Variants in MED27 observed in about 807,000 individuals in gnomAD.
MED27 encodes mediator of RNA polymerase II transcription subunit 27.
MED27 carries 30 observed loss-of-function variants against 38.2 expected under a neutral mutation model. That is an observed-to-expected ratio of 0.79 (90% confidence interval 0.59 to 1.07). MED27 has a LOEUF of 1.07. MED27 is among the 50% of genes least tolerant of loss of function. MED27 has a pLI of 0.00. For synonymous variants in MED27, 122 were observed against 153.5 expected, an observed-to-expected ratio of 0.79 and a Z score of 1.52; for missense variants, 289 against 397.5, an observed-to-expected ratio of 0.73 and a Z score of 2.32.
intron 5 of MED27, 109 bp from the exon 6 acceptor site, chr9:131,884,208 G>A: frequency 1.3e-6 from 1 of 762,622 alleles, no homozygotes; most frequent in Admixed American, 3.2e-5. Context: ...AAAAAAATCT[G>A]ATTATAGAAT....
intron 3 of MED27, among the ~76,000 whole-genome samples, chr9:131,977,599 C>G (rs117131822): frequency 0.015 from 2,354 of 152,238 alleles, 22 homozygotes; most frequent in Middle Eastern, 0.034. Context: ...GTGTCCTGGT[C>G]TCTCTGGAGG....
chr9:131,925,069 C>T (rs527948258), intron 4 of MED27, among the ~76,000 whole-genome samples: 1 of 152,160 alleles, frequency 6.6e-6, no homozygotes, highest in Non-Finnish European at 1.5e-5. Flanking sequence ...TTAAAAATAT[C>T]TCTAGGCCTT....
intron 3 of MED27, among the ~76,000 whole-genome samples, chr9:131,963,270 TAA>T (rs1589236744): frequency 6.6e-6 from 1 of 152,240 alleles, no homozygotes; most frequent in East Asian, 1.9e-4. Context: ...CCAAACAGAT[TAA>T]GTTTTAGCGT....
intron 2 of MED27, among the ~76,000 whole-genome samples, chr9:132,060,625 T>C (rs1034582280): frequency 3.9e-5 from 6 of 152,176 alleles, no homozygotes; most frequent in Non-Finnish European, 8.8e-5. Context: ...GTTGCTCAAC[T>C]GGAAAATTCA....
intron 3 of MED27, among the ~76,000 whole-genome samples, chr9:131,981,263 T>C (rs1468176969): frequency 6.6e-6 from 1 of 152,242 alleles, no homozygotes; most frequent in Admixed American, 6.5e-5. Flanking sequence ...CTATTTGTCT[T>C]GGCTAAATTA....
At chr9:131,967,815 A>G (rs1435636131) in intron 3 of MED27, among the ~76,000 whole-genome samples, 7 of 128,908 alleles carry the variant, frequency 5.4e-5, no homozygotes, top group East Asian at 2.4e-4. Context: ...CCAGCCTCTC[A>G]TGATTTTTTT....
At chr9:131,908,188 C>T (rs1319301967) in intron 4 of MED27, among the ~76,000 whole-genome samples, 22 of 8,804 alleles carry the variant, frequency 2.5e-3, no homozygotes, top group South Asian at 0.013. Flanking sequence ...CGCCTCTGCC[C>T]GGCCGCCCTA....
In MED27 at chr9:132,015,079, G is replaced by A. The variant is rs542025455; in HGVS notation, c.349-612C>T. On this transcript the variant is annotated intron_variant, in intron 2 of 7. Transcript: ENST00000292035. The stretch of plus-strand genomic sequence containing the variant: ...GTCTACCGCAGTACACCATGACCAC[G>A]ACATGGCTTATCATACACAGATTCA... Among the ~76,000 whole-genome samples the A allele has an allele frequency of 5.3e-5, 8 of 152,242 alleles. No individual in the cohort carries two copies. The East Asian group carries it at 5.8e-4, about 11-fold the overall frequency.
chr9:131,893,736 C>T (rs1460584026), intron 5 of MED27, 149 bp downstream of exon 5: 1 of 593,004 alleles, frequency 1.7e-6, no homozygotes, highest in Non-Finnish European at 3.0e-6. Flanking sequence ...TGTTTTTTCA[C>T]AAAGTGTGCA....
intron 4 of MED27, among the ~76,000 whole-genome samples, chr9:131,932,316 T>C (rs1418048031): frequency 6.8e-6 from 1 of 147,760 alleles, no homozygotes; most frequent in Non-Finnish European, 1.5e-5. Context: ...CTGAAAAAAT[T>C]TCTTGAAATA....
At chr9:132,033,203 T>C (rs1021875539) in intron 2 of MED27, among the ~76,000 whole-genome samples, 10 of 152,234 alleles carry the variant, frequency 6.6e-5, no homozygotes, top group Admixed American at 2.0e-4. Flanking sequence ...TGACATTTTC[T>C]GACCTGGTAT....
chr9:131,933,930 C>T (rs548782323), intron 4 of MED27, among the ~76,000 whole-genome samples: 53 of 152,088 alleles, frequency 3.5e-4, no homozygotes, highest in Non-Finnish European at 6.6e-4. Flanking sequence ...TAAAAAGACA[C>T]ATAGATCAAT....
intron 2 of MED27, chr9:132,073,353 C>T (rs1325655734): frequency 1.4e-5 from 14 of 1,001,278 alleles, no homozygotes; most frequent in Non-Finnish European, 1.3e-5. Context: ...CAACAGAAAA[C>T]GCTTCGATTC....
chr9:131,959,588 TC>T (rs946541256), intron 3 of MED27, among the ~76,000 whole-genome samples: 34 of 152,298 alleles, frequency 2.2e-4, no homozygotes, highest in African/African-American at 7.5e-4. Context: ...GACAAGGTAA[TC>T]TCTAAGGGTC....
intron 6 of MED27, chr9:131,869,212 C>T (rs1838786441): frequency 7.1e-6 from 7 of 985,450 alleles, no homozygotes; most frequent in Non-Finnish European, 8.4e-6. Flanking sequence ...CTCCCCAAGT[C>T]CTCCACTGCT....
chr9:131,939,529 G>A (rs1304483012), intron 3 of MED27, 55 bp from the exon 4 acceptor site: 2 of 1,093,820 alleles, frequency 1.8e-6, no homozygotes, highest in Non-Finnish European at 2.7e-6. Context: ...AAGAGCTACA[G>A]ATTAATAGTA....
intron 2 of MED27, among the ~76,000 whole-genome samples, chr9:132,027,351 C>T (rs1832846924): frequency 6.6e-6 from 1 of 152,216 alleles, no homozygotes; most frequent in Non-Finnish European, 1.5e-5. Flanking sequence ...CAGCAGCTTC[C>T]GGCCATTTGC....
chr9:131,979,411 G>A (rs1348265305), intron 3 of MED27, among the ~76,000 whole-genome samples: 1 of 147,304 alleles, frequency 6.8e-6, no homozygotes, highest in African/African-American at 2.5e-5. Flanking sequence ...GCATATGATA[G>A]ATCTGAGCAA....
At chr9:131,884,326 T>C (rs527252739) in intron 5 of MED27, among the ~76,000 whole-genome samples, 1 of 152,356 alleles carries the variant, frequency 6.6e-6, no homozygotes, top group East Asian at 1.9e-4. Context: ...GCAAGTCACC[T>C]TGAGGCACCT....
Sources: gnomAD v4.1 joint callset for allele counts (sites outside exome capture counted in the v4.1 genomes callset) on GRCh38, gnomAD v4.1.1 for gene constraint, MANE v1.5 for transcripts, NCBI Gene and HGNC (gene_info 2026-07-23, HGNC 2026-07-21) for gene names.